Variants in WNT5B observed in about 807,000 individuals in gnomAD.
WNT5B encodes the protein Wnt family member 5B.
A neutral mutation model predicts 36.5 loss-of-function variants in WNT5B; 18 were observed. That is an observed-to-expected ratio of 0.49 (90% CI 0.34 to 0.73). The LOEUF is 0.73. Ranked by LOEUF, WNT5B falls within the 30% of genes least tolerant of loss-of-function variation. The pLI is 0.01. For synonymous variants in WNT5B, 213 were observed against 212.3 expected (o/e 1.00, Z -0.03); for missense variants, 424 against 508.4 (o/e 0.83, Z 1.60).
rs762005622 is a variant in WNT5B at position 1,618,572 on chromosome 12, G to A, written c.-58+1429G>A. On this transcript the variant is annotated intron_variant, in intron 1 of 4. Transcript: ENST00000310594. This position sits in a 1 kb window ranked among gnomAD's most constrained non-coding sequence, Gnocchi z 4.1. ...AACAATTCCTAAACCACACTGACCTGTGACCTATACACTTCTGCCTTCTTT... is the reference window on the plus strand; with the variant it reads ...AACAATTCCTAAACCACACTGACCTATGACCTATACACTTCTGCCTTCTTT... Among the ~76,000 whole-genome samples, 3 of 152,178 alleles carry A rather than the reference G, an allele frequency of 2.0e-5. No homozygotes were observed. Among genetic ancestry groups the A allele is most frequent in the Non-Finnish European group, 4.4e-5 (3 of 68,040 alleles).
chr12:1,634,594 C>T (rs2154439625), intron 3 of WNT5B, among the ~76,000 whole-genome samples: 1 of 152,256 alleles, frequency 6.6e-6, no homozygotes, highest in Middle Eastern at 3.4e-3. Flanking sequence ...AAATGGAACC[C>T]TTCTGTTTGC....
intron 1 of WNT5B, among the ~76,000 whole-genome samples, chr12:1,623,416 C>G (rs1326164699): frequency 2.0e-5 from 3 of 151,666 alleles, no homozygotes; most frequent in Non-Finnish European, 2.9e-5. Context: ...AGGATGGTCT[C>G]CATCTCCTGA....
At chr12:1,626,747 A>T (rs113442311), upstream of WNT5B, among the ~76,000 whole-genome samples, 7,653 of 151,068 alleles carry the variant, frequency 0.051, 619 homozygotes, top group African/African-American at 0.18. Flanking sequence ...TTGTATTTTC[A>T]GTAGAGACGG....
At chr12:1,638,681 C>G (rs11061888) in intron 3 of WNT5B, among the ~76,000 whole-genome samples, 104,515 of 152,144 alleles carry the variant, frequency 0.69, 36,396 homozygotes, top group South Asian at 0.78. Context: ...AAATGATCTG[C>G]GTATTTAGAG....
At position 1,646,814 on chromosome 12, in the gene WNT5B, A is replaced by G. The variant is rs1324419798; in HGVS notation, c.*562A>G. On this transcript the variant is annotated 3_prime_UTR_variant, in exon 5 of 5. Coordinates refer to ENST00000397196, the MANE Select transcript of WNT5B (RefSeq NM_032642.3). Reference sequence around the variant, plus strand: ...GGAACGGCTCCTTCCCTAAAATGAGAAGTCCAAGGTCATCTCTGGCCCAGT... The same window carrying G: ...GGAACGGCTCCTTCCCTAAAATGAGGAGTCCAAGGTCATCTCTGGCCCAGT... 1.3e-5 allele frequency: 2 copies of G among 152,166 alleles called. No homozygotes were observed. The highest frequency in any genetic ancestry group is 2.9e-5 in the Non-Finnish European group (2 of 68,072). 9.4% of individuals were successfully genotyped at this position (152,166 alleles called of 1,614,324 possible). A position where few individuals can be genotyped will look rare whatever the true frequency, so the allele number is the denominator to read the frequency against.
At chr12:1,622,150 G>A (rs527532771) in intron 1 of WNT5B, among the ~76,000 whole-genome samples, 120 of 125,458 alleles carry the variant, frequency 9.6e-4, no homozygotes, top group African/African-American at 3.4e-3. Context: ...TCGCTCTGTC[G>A]CCCAGGCTGG....
At chr12:1,636,542 CTT>C (rs55956039) in intron 3 of WNT5B, among the ~76,000 whole-genome samples, 3,283 of 74,878 alleles carry the variant, frequency 0.044, 87 homozygotes, top group African/African-American at 0.12. Flanking sequence ...TATATATATA[CTT>C]TTTTTTTTTT....
At position 1,646,196 on chromosome 12, in the gene WNT5B, T is replaced by C; in HGVS notation, c.1024T>C (p.Cys342Arg). ...ERCHCKFHWC[C>R]FVRCKKCTEI... The stretch of plus-strand genomic sequence containing the variant: ...CTGCCACTGCAAGTTCCACTGGTGC[T>C]GCTTCGTCAGGTGTAAGAAGTGCAC... Residue 342 changes from cysteine to arginine, a missense_variant, in exon 5 of 5, where the codon TGC (cysteine) becomes CGC (arginine). By Grantham distance (180) the Cys-to-Arg change is radical. Transcript: ENST00000397196. The C allele has an allele frequency of 6.2e-7, 1 of 1,613,866 alleles. No individual in the cohort carries two copies. Among genetic ancestry groups the C allele is most frequent in the Non-Finnish European group, 8.5e-7 (1 of 1,180,044 alleles).
chr12:1,639,782 T>C lies in WNT5B; in HGVS notation c.427T>C (p.Cys143Arg). The change falls in exon 4 of 5, where the codon TGC becomes CGC. Residue 143 changes from cysteine (C) to arginine (R), a missense_variant. Transcript: ENST00000397196. ...CGAGGGCGAGCTCTCCACCTGCGGC[T>C]GCAGCCGGACGGCGCGGCCCAAGGA... ...CREGELSTCG[C>R]SRTARPKDLP... 1.2e-6 allele frequency: 2 copies of C among 1,610,504 alleles called. No individual in the cohort carries two copies. Among genetic ancestry groups the C allele is most frequent in the Non-Finnish European group, 1.7e-6 (2 of 1,178,402 alleles).
chr12:1,643,072 GAA>G (rs1210823763), intron 4 of WNT5B, among the ~76,000 whole-genome samples: 1 of 151,868 alleles, frequency 6.6e-6, no homozygotes, highest in Non-Finnish European at 1.5e-5. Context: ...ATATTAAAAA[GAA>G]AAAAAGATTA....
At chr12:1,639,627 G>A in intron 3 of WNT5B, 57 bp from the exon 4 acceptor site, 1 of 1,435,438 alleles carries the variant, frequency 7.0e-7, no homozygotes, top group Non-Finnish European at 9.1e-7. Context: ...CGGGGGGAAG[G>A]ACAGGTCCCC....
rs1242323452 is a variant in WNT5B at position 1,633,512 on chromosome 12, C to A, written c.328+607C>A. Among the ~76,000 whole-genome samples the A allele has an allele frequency of 6.6e-6, 1 of 152,158 alleles. No individual in the cohort carries two copies. Among genetic ancestry groups the A allele is most frequent in the African/African-American group, 2.4e-5 (1 of 41,430 alleles). Reference sequence around the variant, plus strand: ...AGGGCCAAGTCTTCTGGATTCCTGTCCCTTCCCCTCTCCCACTGCTGGCCA... The same window carrying A: ...AGGGCCAAGTCTTCTGGATTCCTGTACCTTCCCCTCTCCCACTGCTGGCCA... On this transcript the variant is annotated intron_variant, in intron 3 of 4. Transcript: ENST00000397196. This position sits in a 1 kb window ranked among gnomAD's most constrained non-coding sequence, Gnocchi z 4.8.
rs146362956 is a variant in WNT5B, at chr12:1,639,591, G to C, written c.329-93G>C. The C allele has an allele frequency of 1.5e-5, 20 of 1,368,966 alleles. No homozygotes were observed. In the East Asian group the frequency reaches 1.6e-4, roughly 11 times the overall value. 84.8% of individuals were successfully genotyped at this position (1,368,966 alleles called of 1,614,324 possible). On this transcript the variant is annotated intron_variant, in intron 3 of 4. Transcript: ENST00000397196. The stretch of plus-strand genomic sequence containing the variant: ...CTGCCCCAGGGGTGTCAGCAGAGCC[G>C]TGGCGTGCGGGTCCGTCGGGGGAGA...
intron 1 of WNT5B, among the ~76,000 whole-genome samples, chr12:1,629,720 G>T (rs1484453771): frequency 6.6e-6 from 1 of 152,026 alleles, no homozygotes; most frequent in East Asian, 1.9e-4. Context: ...AGCTCCTGGT[G>T]CCAGCCCTAT....
At chr12:1,623,871 A>T (rs1400299725) in intron 1 of WNT5B, among the ~76,000 whole-genome samples, 1 of 152,194 alleles carries the variant, frequency 6.6e-6, no homozygotes, top group Non-Finnish European at 1.5e-5. Flanking sequence ...TCCAGCTTTA[A>T]GCAGCCTGGC....
chr12:1,637,976 C>T (rs1016422065), intron 3 of WNT5B, among the ~76,000 whole-genome samples: 4 of 152,160 alleles, frequency 2.6e-5, no homozygotes, highest in Admixed American at 1.3e-4. Context: ...CGGCCAGGCA[C>T]GGTGGCTCAC....
intron 1 of WNT5B, 107 bp downstream of exon 1, chr12:1,629,478 T>G (rs2094546043): frequency 6.6e-6 from 1 of 152,466 alleles, no homozygotes; most frequent in Non-Finnish European, 1.5e-5. Context: ...AGAGTAGGTG[T>G]TGCGGGCGGC....
intron 2 of WNT5B, 95 bp downstream of exon 2, chr12:1,631,529 C>G: frequency 6.3e-7 from 1 of 1,583,916 alleles, no homozygotes; most frequent in Non-Finnish European, 8.6e-7. Context: ...ACGGTAGTAC[C>G]TTGATTCCTG....
Position 1,639,962 on chromosome 12 carries a change from G to A in WNT5B, c.607G>A (p.Glu203Lys), listed in dbSNP as rs267603398. 11 of 1,612,628 alleles carry A rather than the reference G, an allele frequency of 6.8e-6. No homozygotes were observed. The highest frequency in any genetic ancestry group is 9.3e-6 in the Non-Finnish European group (11 of 1,179,524). The change falls in exon 4 of 5, where the codon GAG becomes AAG. Residue 203 changes from glutamate (E) to lysine (K), a missense_variant. By Grantham distance (56) the Glu-to-Lys change is moderately conservative. Coordinates refer to ENST00000397196, the MANE Select transcript of WNT5B (RefSeq NM_032642.3). The stretch of plus-strand genomic sequence containing the variant: ...GGTGCTCATGAACCTGCAAAACAAC[G>A]AGGCCGGTCGCAGGGTAAGCTGGGC... Reference protein sequence around the residue: ...GRVLMNLQNNEAGRRAVYKMA... With the variant: ...GRVLMNLQNNKAGRRAVYKMA...
Sources: allele counts gnomAD v4.1 joint callset (sites outside exome capture counted in the v4.1 genomes callset), GRCh38; gene constraint gnomAD v4.1.1; non-coding constraint Gnocchi (gnomAD v3.1); transcripts MANE v1.5; gene names NCBI Gene and HGNC (gene_info 2026-07-23, HGNC 2026-07-21).